The following LAMA1 variants were observed in gnomAD, a reference collection of about 807,000 sequenced individuals.
LAMA1 encodes the protein laminin subunit alpha 1, also known as laminin subunit alpha-1.
A neutral mutation model predicts 348.7 loss-of-function variants in LAMA1; 219 were observed. The observed-to-expected ratio is 0.63, with a 90% confidence interval of 0.56 to 0.70. The LOEUF (loss-of-function observed/expected upper bound fraction) is 0.70, where lower values mean the gene tolerates loss of function less well. Ranked by LOEUF, LAMA1 falls within the 30% of genes least tolerant of loss-of-function variation. The pLI is 0.00. For missense variants in LAMA1, 3,744 were observed against 3,888.0 expected (o/e 0.96, Z 0.99); for synonymous variants, 1,487 against 1,491.0 (o/e 1.00, Z 0.06).
intron 1 of LAMA1, among the ~76,000 whole-genome samples, chr18:7,086,528 GC>G (rs1443667501): frequency 6.6e-6 from 1 of 151,500 alleles, no homozygotes; most frequent in Non-Finnish European, 1.5e-5. Flanking sequence ...AGCTCAGCAT[GC>G]CCCACTGCAC....
At chr18:7,030,328 C>A (rs1038144690) in intron 16 of LAMA1, among the ~76,000 whole-genome samples, 1 of 152,164 alleles carries the variant, frequency 6.6e-6, no homozygotes, top group African/African-American at 2.4e-5. Flanking sequence ...GCTCAGTGCT[C>A]TTCAAAAGTG....
At chr18:7,082,248 T>C (rs1164897665) in intron 1 of LAMA1, among the ~76,000 whole-genome samples, 1 of 152,222 alleles carries the variant, frequency 6.6e-6, no homozygotes, top group Non-Finnish European at 1.5e-5. Context: ...TAAAGCATTA[T>C]TCTTAATTTT....
chr18:6,978,359 G>C lies in LAMA1; in HGVS notation c.6027C>G (p.Ala2009=). ...CAGACGTGGCCAGCTCTTTGGTTTT[G>C]GCTCCCTTGTCTCTTATACCTAAAA... The part of the protein sequence containing the change: ...AIPKGIRDKG[A]KTKELATSAS... Residue 2009 remains alanine (A), a synonymous_variant, in exon 43 of 63, where the codon GCC becomes GCG. Transcript: ENST00000389658. The C allele has an allele frequency of 6.2e-7, 1 of 1,614,126 alleles. No individual in the cohort carries two copies. The highest frequency in any genetic ancestry group is 8.5e-7 in the Non-Finnish European group (1 of 1,180,034).
At chr18:7,033,455 C>CAAA (rs10686154) in intron 14 of LAMA1, among the ~76,000 whole-genome samples, 27,367 of 109,246 alleles carry the variant, frequency 0.25, 3,796 homozygotes, top group African/African-American at 0.43. Flanking sequence ...GACTCTGTCT[C>CAAA]AAAAAAAAAA....
intron 1 of LAMA1, among the ~76,000 whole-genome samples, chr18:7,116,772 A>ATTCT (rs984347107): frequency 6.6e-6 from 1 of 152,058 alleles, no homozygotes; most frequent in Non-Finnish European, 1.5e-5. Flanking sequence ...AGGGAAAAGA[A>ATTCT]TTCTTTCTTT....
intron 44 of LAMA1, among the ~76,000 whole-genome samples, chr18:6,977,108 G>A (rs956406179): frequency 6.6e-6 from 1 of 152,178 alleles, no homozygotes; most frequent in Non-Finnish European, 1.5e-5. Flanking sequence ...CCAATCACAT[G>A]ACGACTGCAC....
At chr18:7,089,799 G>A (rs192650898) in intron 1 of LAMA1, among the ~76,000 whole-genome samples, 20 of 152,324 alleles carry the variant, frequency 1.3e-4, no homozygotes, top group Admixed American at 4.6e-4. Context: ...AAGGTGTGAG[G>A]GGTGGAGATG....
rs377710546 is a variant in LAMA1 at position 6,985,308 on chromosome 18, G to T, written c.5589C>A (p.Asn1863Lys). ...CAGCTCTGTAGACCAGGTCGACTGC[G>T]TTCCTTTGGGACATGTGCATGACCA... ...DDLVMHMSQR[N>K]AVDLVYRAED... Residue 1863 changes from asparagine to lysine, a missense_variant, in exon 39 of 63, where the codon AAC becomes AAA. Physicochemically the swap from Asn to Lys is moderately conservative, Grantham distance 94. Coordinates refer to ENST00000389658, the MANE Select transcript of LAMA1 (RefSeq NM_005559.4). 9 of 1,614,030 alleles carry T rather than the reference G, an allele frequency of 5.6e-6. No individual in the cohort carries two copies. Among genetic ancestry groups the T allele is most frequent in the Non-Finnish European group, 6.8e-6 (8 of 1,180,010 alleles).
chr18:6,969,861 C>T (rs1034709955), intron 48 of LAMA1, among the ~76,000 whole-genome samples: 3 of 152,112 alleles, frequency 2.0e-5, no homozygotes, highest in South Asian at 4.1e-4. Flanking sequence ...AAAGAAGAGC[C>T]GGAAATCATT....
chr18:7,018,130 G>A (rs770835462), intron 19 of LAMA1, among the ~76,000 whole-genome samples: 12 of 151,938 alleles, frequency 7.9e-5, no homozygotes, highest in East Asian at 2.0e-4. Flanking sequence ...GAGATCAGGC[G>A]TTCAAGACCA....
chr18:7,048,775 T>C (rs764196519), intron 5 of LAMA1, among the ~76,000 whole-genome samples: 23 of 152,136 alleles, frequency 1.5e-4, no homozygotes, highest in Non-Finnish European at 2.6e-4. Context: ...TCTCAGTTGC[T>C]GAAGATCAGA....
intron 36 of LAMA1, among the ~76,000 whole-genome samples, chr18:6,987,873 C>T (rs78080996): frequency 0.14 from 20,819 of 152,148 alleles, 1,453 homozygotes; most frequent in South Asian, 0.16. Context: ...TAAGAAAACA[C>T]AAATAAACCC....
chr18:6,966,903 TTC>T (rs1176309416), intron 48 of LAMA1, among the ~76,000 whole-genome samples: 3 of 152,206 alleles, frequency 2.0e-5, no homozygotes, highest in Non-Finnish European at 2.9e-5. Flanking sequence ...TTTTCTGGTC[TTC>T]TCCCCCAACA....
At position 7,032,189 on chromosome 18, in the gene LAMA1, G is replaced by A. The variant is rs1346171486; in HGVS notation, c.2164-13C>T. On this transcript the variant is annotated splice_polypyrimidine_tract_variant and intron_variant, in intron 15 of 62. Transcript: ENST00000389658. ...CAGAGAGGCACGACTGCAAGAGAAGGGAAAGTCATCCTCTTTCCACTACGT... is the reference window on the plus strand; with the variant it reads ...CAGAGAGGCACGACTGCAAGAGAAGAGAAAGTCATCCTCTTTCCACTACGT... 1 of 1,566,832 alleles carries A rather than the reference G, an allele frequency of 6.4e-7. No individual in the cohort carries two copies. Among genetic ancestry groups the A allele is most frequent in the African/African-American group, 1.3e-5 (1 of 74,156 alleles).
chr18:6,999,890 C>T (rs767962671), intron 31 of LAMA1, 21 bp downstream of exon 31: 2 of 1,603,006 alleles, frequency 1.2e-6, no homozygotes. Flanking sequence ...GGGATTTCCA[C>T]ATGACAATCC....
intron 19 of LAMA1, among the ~76,000 whole-genome samples, chr18:7,022,219 C>T (rs1261880883): frequency 2.6e-5 from 4 of 152,086 alleles, no homozygotes; most frequent in African/African-American, 4.8e-5. Context: ...TGGGAAATAC[C>T]GGACACTTAA....
At chr18:7,016,853 C>A (rs2057890766) in intron 20 of LAMA1, among the ~76,000 whole-genome samples, 182 bp from the exon 21 acceptor site, 1 of 152,210 alleles carries the variant, frequency 6.6e-6, no homozygotes, top group African/African-American at 2.4e-5. Flanking sequence ...TTGTCAGCCA[C>A]ACTTTATGAC....
chr18:7,084,918 T>C (rs2058208540), intron 1 of LAMA1, among the ~76,000 whole-genome samples: 1 of 152,234 alleles, frequency 6.6e-6, no homozygotes, highest in Admixed American at 6.5e-5. Context: ...TGGCTAGGCC[T>C]GAGACTTGTT....
intron 11 of LAMA1, 122 bp downstream of exon 11, chr18:7,038,688 T>C (rs961539719): frequency 9.9e-5 from 132 of 1,338,306 alleles, no homozygotes; most frequent in Middle Eastern, 5.0e-4. Context: ...GTCAGTATCA[T>C]TGCATAGCGA....
Sources: allele counts gnomAD v4.1 joint callset (sites outside exome capture counted in the v4.1 genomes callset), GRCh38; gene constraint gnomAD v4.1.1; transcripts MANE v1.5; gene names NCBI Gene and HGNC (gene_info 2026-07-23, HGNC 2026-07-21).